CRISPLD1: variants seen among roughly 807,000 people sequenced by gnomAD.
The protein encoded by CRISPLD1 is cysteine-rich secretory protein LCCL domain-containing 1.
Under a neutral mutation model 77.5 loss-of-function variants are expected in CRISPLD1, and 60 were observed. The observed-to-expected ratio is 0.77, with a 90% CI of 0.63 to 0.96. The LOEUF (loss-of-function observed/expected upper bound fraction) is 0.96. CRISPLD1 is among the 40% of genes least tolerant of loss of function. The pLI is 0.00. For synonymous variants in CRISPLD1, 195 were observed against 200.1 expected (o/e 0.97, Z 0.22); for missense variants, 623 against 615.8 (o/e 1.01, Z -0.12).
intron 2 of CRISPLD1, among the ~76,000 whole-genome samples, chr8:75,010,314 T>C (rs1812906660): frequency 6.6e-6 from 1 of 152,144 alleles, no homozygotes; most frequent in Non-Finnish European, 1.5e-5. Flanking sequence ...TACATTTCTT[T>C]TTACATGCCT....
At chr8:75,017,723 G>A (rs1813060055) in intron 10 of CRISPLD1, among the ~76,000 whole-genome samples, 1 of 152,098 alleles carries the variant, frequency 6.6e-6, no homozygotes, top group South Asian at 2.1e-4. Flanking sequence ...CCAGTGTAAA[G>A]CAATACATTT....
At chr8:75,029,100 C>G (rs1407285605) in intron 13 of CRISPLD1, among the ~76,000 whole-genome samples, 2 of 152,168 alleles carry the variant, frequency 1.3e-5, no homozygotes, top group Non-Finnish European at 2.9e-5. Context: ...CTTTGATACT[C>G]TAAAGCCTAC....
chr8:75,012,858 C>T (rs1812957027), intron 3 of CRISPLD1, 32 bp from the exon 4 acceptor site: 9 of 1,583,998 alleles, frequency 5.7e-6, no homozygotes, highest in Non-Finnish European at 7.7e-6. Context: ...TCCAACTTTG[C>T]TTGCCCTCTG....
In CRISPLD1 at chr8:75,002,890, T is replaced by C. The variant is rs542844673; in HGVS notation, c.259-9543T>C. Among the ~76,000 whole-genome samples the C allele has an allele frequency of 2.0e-5, 3 of 152,310 alleles. No individual in the cohort carries two copies. In the South Asian group the frequency reaches 6.2e-4, roughly 32 times the overall value. ...TTAACACCATCTTCTTTCTCAGAGT[T>C]CTAAATAAGGACTTTTGAAAACCAT... is the stretch of plus-strand genomic sequence containing the variant. On this transcript the variant is annotated intron_variant, in intron 2 of 14. Transcript: ENST00000262207.
At chr8:75,015,433 A>T (rs578219616) in intron 6 of CRISPLD1, among the ~76,000 whole-genome samples, 1 of 152,298 alleles carries the variant, frequency 6.6e-6, no homozygotes, top group Admixed American at 6.5e-5. Context: ...AACTACTATA[A>T]AAGTAGTACT....
Position 75,030,741 on chromosome 8 carries a change from T to C in CRISPLD1, c.1451+1224T>C, listed in dbSNP as rs540889273. Among the ~76,000 whole-genome samples the C allele has an allele frequency of 8.2e-5, 11 of 134,640 alleles. 1 individual carries two copies. The South Asian group carries it at 2.7e-3, about 33-fold the overall frequency. The allele number at this position is 134,640 out of a possible 152,430, so 88.3% of individuals were successfully genotyped here. A position where few individuals can be genotyped will look rare whatever the true frequency, so the allele number is the denominator to read the frequency against. Reference sequence around the variant, plus strand: ...GTGTGTGTGTCTGTGTATATATGTATGAGTGTGTGTATATATGTGTGTATA... The same window carrying C: ...GTGTGTGTGTCTGTGTATATATGTACGAGTGTGTGTATATATGTGTGTATA... On this transcript the variant is annotated intron_variant, in intron 14 of 14. Transcript: ENST00000262207.
intron 10 of CRISPLD1, among the ~76,000 whole-genome samples, chr8:75,018,479 C>T (rs373151177): frequency 2.0e-5 from 3 of 151,250 alleles, no homozygotes; most frequent in Non-Finnish European, 3.0e-5. Context: ...TTAGTAGAGA[C>T]GAGGTTTCAC....
chr8:75,005,746 T>A (rs557790369), intron 2 of CRISPLD1, among the ~76,000 whole-genome samples: 1 of 152,166 alleles, frequency 6.6e-6, no homozygotes, highest in Non-Finnish European at 1.5e-5. Flanking sequence ...TCAAAACTTA[T>A]TGCAAATGCT....
intron 12 of CRISPLD1, among the ~76,000 whole-genome samples, chr8:75,022,513 G>A (rs575793379): frequency 6.9e-4 from 104 of 151,704 alleles, no homozygotes; most frequent in Middle Eastern, 3.4e-3. Flanking sequence ...GCGTGAACCC[G>A]GGAGGCCGAG....
intron 4 of CRISPLD1, among the ~76,000 whole-genome samples, 167 bp downstream of exon 4, chr8:75,013,189 ATAAT>A (rs1377148064): frequency 2.0e-5 from 3 of 152,118 alleles, no homozygotes; most frequent in Non-Finnish European, 4.4e-5. Context: ...AACAATGAAA[ATAAT>A]TATCACACAA....
chr8:75,025,538 T>C lies in CRISPLD1; in HGVS notation c.1245-8T>C. On this transcript the variant is annotated splice_polypyrimidine_tract_variant and splice_region_variant and intron_variant, in intron 12 of 14. Transcript: ENST00000262207. ...CTTAATATATATATAATATATTATT[T>C]TTTTCAGAGTATACTGTCCTCGTAA... 1 of 1,400,482 alleles carries C rather than the reference T, an allele frequency of 7.1e-7. No individual in the cohort carries two copies. The highest frequency in any genetic ancestry group is 9.8e-7 in the Non-Finnish European group (1 of 1,017,370). The allele number at this position is 1,400,482 out of a possible 1,614,324, so 86.8% of individuals were successfully genotyped here.
At chr8:75,023,073 T>TAAAAAAAAAAAAAAAAA (rs397891797) in intron 12 of CRISPLD1, among the ~76,000 whole-genome samples, 1 of 112,054 alleles carries the variant, frequency 8.9e-6, no homozygotes, top group Non-Finnish European at 2.0e-5. Flanking sequence ...AAATTGTAGG[T>TAAAAAAAAAAAAAAAAA]AAAAAAAAAA....
chr8:75,012,363 C>G, intron 2 of CRISPLD1, 70 bp from the exon 3 acceptor site: 1 of 886,850 alleles, frequency 1.1e-6, no homozygotes, highest in Non-Finnish European at 1.9e-6. Flanking sequence ...GTAAGAACTG[C>G]TCAACACTGT....
rs997111771 is a variant in CRISPLD1 at position 74,992,724 on chromosome 8, C to G, written c.258+6479C>G. 2.6e-5 allele frequency among the ~76,000 whole-genome samples: 4 copies of G among 152,100 alleles called. No individual in the cohort carries two copies. The East Asian group carries it at 7.7e-4, about 29-fold the overall frequency. On this transcript the variant is annotated intron_variant, in intron 2 of 14. Coordinates refer to ENST00000262207, the MANE Select transcript of CRISPLD1 (RefSeq NM_031461.6). ...CTAGGGGCAGAACCTTCTCATGACA[C>G]TTTTCTAACTGTAAGACGAAACACA...
intron 3 of CRISPLD1, 50 bp from the exon 4 acceptor site, chr8:75,012,840 G>A (rs778493533): frequency 3.8e-6 from 6 of 1,566,800 alleles, no homozygotes; most frequent in East Asian, 4.5e-5. Flanking sequence ...ATTTAGTTTT[G>A]TATTTTCTCC....
In CRISPLD1 at chr8:75,017,453, A is replaced by G; in HGVS notation, c.1127+3A>G. 1 of 1,593,290 alleles carries G rather than the reference A, an allele frequency of 6.3e-7. No homozygotes were observed. The highest frequency in any genetic ancestry group is 8.5e-7 in the Non-Finnish European group (1 of 1,173,504). Reference sequence around the variant, plus strand: ...AGAAATGGTATTCAAACAATTGGGTAAGTACCAAAATAATCTTTTGGACCA... The same window carrying G: ...AGAAATGGTATTCAAACAATTGGGTGAGTACCAAAATAATCTTTTGGACCA... On this transcript the variant is annotated splice_donor_region_variant and intron_variant, in intron 10 of 14. Coordinates refer to ENST00000262207, the MANE Select transcript of CRISPLD1 (RefSeq NM_031461.6).
At chr8:75,005,893 T>G (rs889601464) in intron 2 of CRISPLD1, among the ~76,000 whole-genome samples, 3 of 152,144 alleles carry the variant, frequency 2.0e-5, no homozygotes, top group African/African-American at 7.2e-5. Flanking sequence ...ATTAGATTAT[T>G]ACTTTGCCAG....
At chr8:74,998,201 C>G (rs1372734834) in intron 2 of CRISPLD1, among the ~76,000 whole-genome samples, 1 of 152,090 alleles carries the variant, frequency 6.6e-6, no homozygotes, top group Non-Finnish European at 1.5e-5. Context: ...GAAAGCTTCT[C>G]TTTTGTCCAG....
At chr8:74,989,305 T>A (rs1009394660) in intron 2 of CRISPLD1, among the ~76,000 whole-genome samples, 1 of 152,222 alleles carries the variant, frequency 6.6e-6, no homozygotes, top group Middle Eastern at 3.4e-3. Flanking sequence ...TACATTTAAT[T>A]TGGGGTAAAT....
Sources: allele counts gnomAD v4.1 joint callset (sites outside exome capture counted in the v4.1 genomes callset), GRCh38; gene constraint gnomAD v4.1.1; transcripts MANE v1.5; gene names NCBI Gene and HGNC (gene_info 2026-07-23, HGNC 2026-07-21).